CACNG1: variants seen among roughly 807,000 people sequenced by gnomAD.
The protein encoded by CACNG1 is voltage-dependent calcium channel gamma-1 subunit.
Under a neutral mutation model 22.0 loss-of-function variants are expected in CACNG1, and 21 were observed. The ratio of observed to expected loss-of-function variants is 0.95; its 90% CI spans 0.68 to 1.37. The LOEUF is 1.37. CACNG1 is among the 40% of genes most tolerant of loss of function. The pLI, the probability that CACNG1 is intolerant of heterozygous loss-of-function variation, is 0.00. For synonymous variants in CACNG1, 127 were observed against 129.2 expected (o/e 0.98, Z 0.12); for missense variants, 291 against 308.6 (o/e 0.94, Z 0.43).
chr17:67,052,439 T>A (rs149246623), intron 1 of CACNG1, among the ~76,000 whole-genome samples: 129 of 152,182 alleles, frequency 8.5e-4, no homozygotes, highest in Non-Finnish European at 1.1e-3. Context: ...ATGATTTAGG[T>A]CCGGTTAAAG....
rs368979237 is a variant in CACNG1, at chr17:67,056,000, G to T, written c.443-45G>T. 6.5e-7 allele frequency: 1 copy of T among 1,528,554 alleles called. No individual in the cohort carries two copies. The highest frequency in any genetic ancestry group is 1.1e-5 in the South Asian group (1 of 88,058). The allele number at this position is 1,528,554 out of a possible 1,614,324, so 94.7% of individuals were successfully genotyped here. ...AGGCTGGGATGGGGCTGGTGGCTACGGCAGACGCCCCTCGGTCCCTGAGCA... is the reference window on the plus strand; with the variant it reads ...AGGCTGGGATGGGGCTGGTGGCTACTGCAGACGCCCCTCGGTCCCTGAGCA... On this transcript the variant is annotated intron_variant, in intron 3 of 3. Coordinates refer to ENST00000226021, the MANE Select transcript of CACNG1 (RefSeq NM_000727.4). The surrounding 1 kb of genome is among the most constrained non-coding windows in gnomAD (Gnocchi z 4.5).
chr17:67,044,906 C>T lies in CACNG1; in HGVS notation c.229+17C>T, dbSNP rs1419001264. ...TGCCCGGGGGTAACGTACCCACCCT[C>T]CGTCCCGATCCCCACCTCCTGCTCT... On this transcript the variant is annotated intron_variant, in intron 1 of 3. Transcript: ENST00000226021. This position sits in a 1 kb window ranked among gnomAD's most constrained non-coding sequence, Gnocchi z 6.9. 2.5e-6 allele frequency: 4 copies of T among 1,583,656 alleles called. No homozygotes were observed. The highest frequency in any genetic ancestry group is 3.5e-6 in the Non-Finnish European group (4 of 1,157,304).
chr17:67,051,346 G>T (rs780225405), intron 1 of CACNG1, among the ~76,000 whole-genome samples: 1 of 152,150 alleles, frequency 6.6e-6, no homozygotes, highest in Admixed American at 6.5e-5. Context: ...TGAGGCCTGG[G>T]TCTGACGTGC....
intron 1 of CACNG1, among the ~76,000 whole-genome samples, chr17:67,051,211 A>G (rs1447994494): frequency 6.6e-6 from 1 of 152,076 alleles, no homozygotes; most frequent in Non-Finnish European, 1.5e-5. Flanking sequence ...TTCCCAAATA[A>G]TATCCACCTA....
intron 1 of CACNG1, among the ~76,000 whole-genome samples, chr17:67,049,551 T>C (rs896179856): frequency 1.3e-5 from 2 of 152,032 alleles, no homozygotes; most frequent in Non-Finnish European, 2.9e-5. Flanking sequence ...ATTCTACAGG[T>C]GGTTCCTATT....
In CACNG1 at chr17:67,044,935, C is replaced by G; in HGVS notation, c.229+46C>G. On this transcript the variant is annotated intron_variant, in intron 1 of 3. Coordinates refer to ENST00000226021, the MANE Select transcript of CACNG1 (RefSeq NM_000727.4). The surrounding 1 kb of genome is among the most constrained non-coding windows in gnomAD (Gnocchi z 6.9). ...CCCGATCCCCACCTCCTGCTCTTCC[C>G]CGTCATCCCCCTGGCAAAGTTGCCC... is the stretch of plus-strand genomic sequence containing the variant. The G allele has an allele frequency of 1.3e-6, 2 of 1,487,530 alleles. No homozygotes were observed. The highest frequency in any genetic ancestry group is 1.7e-4 in the Middle Eastern group (1 of 5,834). 92.1% of individuals were successfully genotyped at this position (1,487,530 alleles called of 1,614,324 possible). A position where few individuals can be genotyped will look rare whatever the true frequency, so the allele number is the denominator to read the frequency against.
chr17:67,045,100 T>G (rs551754362), intron 1 of CACNG1, among the ~76,000 whole-genome samples: 1 of 152,328 alleles, frequency 6.6e-6, no homozygotes, highest in South Asian at 2.1e-4. Flanking sequence ...GTCCCAGCTA[T>G]TTCTGTCTGG....
chr17:67,046,897 T>A (rs2035700670), intron 1 of CACNG1, among the ~76,000 whole-genome samples: 1 of 152,198 alleles, frequency 6.6e-6, no homozygotes, highest in African/African-American at 2.4e-5. Flanking sequence ...ATCTACCTCT[T>A]TGCCTTCTTA....
At position 67,056,635 on chromosome 17, in the gene CACNG1, A is replaced by G. The variant is rs2035764066; in HGVS notation, c.*364A>G. 1 of 239,952 alleles carries G rather than the reference A, an allele frequency of 4.2e-6. No homozygotes were observed. Among genetic ancestry groups the G allele is most frequent in the African/African-American group, 2.2e-5 (1 of 44,958 alleles). 14.9% of individuals were successfully genotyped at this position (239,952 alleles called of 1,614,324 possible). A position where few individuals can be genotyped will look rare whatever the true frequency, so the allele number is the denominator to read the frequency against. On this transcript the variant is annotated 3_prime_UTR_variant, in exon 4 of 4. Coordinates refer to ENST00000226021, the MANE Select transcript of CACNG1 (RefSeq NM_000727.4). The surrounding 1 kb of genome is among the most constrained non-coding windows in gnomAD (Gnocchi z 4.3). ...ATTGCAGGGACAACCTGTGTTTGCC[A>G]GCTGGGTGTTCCGTGTAAATAGCCA... is the stretch of plus-strand genomic sequence containing the variant.
Position 67,048,322 on chromosome 17 carries a change from A to C in CACNG1, c.229+3433A>C, listed in dbSNP as rs1456916321. 2.7e-4 allele frequency among the ~76,000 whole-genome samples: 23 copies of C among 86,558 alleles called. No homozygotes were observed. The East Asian group carries it at 0.015, about 56-fold the overall frequency. The allele number at this position is 86,558 out of a possible 152,430, so 56.8% of individuals were successfully genotyped here. ...CCTGTCCCTACCAAAAAAAAAAAAA[A>C]AAACAAAAAAAAAACCCCACAAAAT... On this transcript the variant is annotated intron_variant, in intron 1 of 3. Coordinates refer to ENST00000226021, the MANE Select transcript of CACNG1 (RefSeq NM_000727.4).
Position 67,056,155 on chromosome 17 carries a change from G to T in CACNG1, c.553G>T (p.Ala185Ser). 1 of 1,613,888 alleles carries T rather than the reference G, an allele frequency of 6.2e-7. No homozygotes were observed. The highest frequency in any genetic ancestry group is 1.1e-5 in the South Asian group (1 of 91,060). ...CTATTACTCCTGGTCCTTTGCCTGC[G>T]CCTGTGCCGCCTTCATCCTCCTCTT... ...EYYYSWSFAC[A>S]CAAFILLFLG... Residue 185 changes from alanine (A) to serine (S), a missense_variant, in exon 4 of 4, where the codon GCC becomes TCC. Transcript: ENST00000226021. The surrounding 1 kb of genome is among the most constrained non-coding windows in gnomAD (Gnocchi z 4.3).
At position 67,056,413 on chromosome 17, in the gene CACNG1, C is replaced by T. The variant is rs2035762650; in HGVS notation, c.*142C>T. 2.9e-6 allele frequency: 2 copies of T among 690,204 alleles called. No individual in the cohort carries two copies. The highest frequency in any genetic ancestry group is 2.8e-5 in the Admixed American group (1 of 36,190). The allele number at this position is 690,204 out of a possible 1,614,324, so 42.8% of individuals were successfully genotyped here. A position where few individuals can be genotyped will look rare whatever the true frequency, so the allele number is the denominator to read the frequency against. On this transcript the variant is annotated 3_prime_UTR_variant, in exon 4 of 4. Transcript: ENST00000226021. The surrounding 1 kb of genome is among the most constrained non-coding windows in gnomAD (Gnocchi z 4.3). ...CCCTGCAACAGTCGCAGGCTGCTTC[C>T]TCTCTCTGAGTTCCTCTGGGCTGCC...
At chr17:67,048,942 A>G (rs547056402) in intron 1 of CACNG1, among the ~76,000 whole-genome samples, 1 of 152,324 alleles carries the variant, frequency 6.6e-6, no homozygotes, top group South Asian at 2.1e-4. Context: ...GACACCATCA[A>G]GTTTATGTAA....
At chr17:67,052,185 A>G (rs2035731759) in intron 1 of CACNG1, among the ~76,000 whole-genome samples, 1 of 152,230 alleles carries the variant, frequency 6.6e-6, no homozygotes, top group Non-Finnish European at 1.5e-5. Flanking sequence ...AGAGAATAGC[A>G]GAGCACCAAT....
Position 67,056,328 on chromosome 17 carries a change from C to A in CACNG1, c.*57C>A. The A allele has an allele frequency of 6.5e-7, 1 of 1,527,902 alleles. No homozygotes were observed. The highest frequency in any genetic ancestry group is 9.0e-7 in the Non-Finnish European group (1 of 1,107,586). The allele number at this position is 1,527,902 out of a possible 1,614,324, so 94.6% of individuals were successfully genotyped here. A position where few individuals can be genotyped will look rare whatever the true frequency, so the allele number is the denominator to read the frequency against. ...CTTCCCCAGGAAGCGGGGTCTTGGCCTGGAACCTTCCAGAGAGGAGGCGGG... is the reference window on the plus strand; with the variant it reads ...CTTCCCCAGGAAGCGGGGTCTTGGCATGGAACCTTCCAGAGAGGAGGCGGG... On this transcript the variant is annotated 3_prime_UTR_variant, in exon 4 of 4. Transcript: ENST00000226021. The surrounding 1 kb of genome is among the most constrained non-coding windows in gnomAD (Gnocchi z 4.3).
At position 67,054,409 on chromosome 17, in the gene CACNG1, T is replaced by C. The variant is rs1348007318; in HGVS notation, c.304+339T>C. Among the ~76,000 whole-genome samples the C allele has an allele frequency of 6.6e-6, 1 of 152,070 alleles. No homozygotes were observed. The highest frequency in any genetic ancestry group is 2.4e-5 in the African/African-American group (1 of 41,414). On this transcript the variant is annotated intron_variant, in intron 2 of 3. Transcript: ENST00000226021. The surrounding 1 kb of genome is among the most constrained non-coding windows in gnomAD (Gnocchi z 4.6). ...CCCCGTGGTGGCTCTTGGTGGCATG[T>C]GATAGTTAGAGTCTGCAGGGACAGT... is the stretch of plus-strand genomic sequence containing the variant.
rs1041047403 is a variant in CACNG1, at chr17:67,055,884, G to A, written c.443-161G>A. On this transcript the variant is annotated intron_variant, in intron 3 of 3. Transcript: ENST00000226021. The surrounding 1 kb of genome is among the most constrained non-coding windows in gnomAD (Gnocchi z 4.5). ...GGATGCAGGAATAGGGTGGTGGGTGGACAAATGGATCCTTCTGCAGGTTCC... is the reference window on the plus strand; with the variant it reads ...GGATGCAGGAATAGGGTGGTGGGTGAACAAATGGATCCTTCTGCAGGTTCC... 2.0e-5 allele frequency among the ~76,000 whole-genome samples: 3 copies of A among 152,098 alleles called. No homozygotes were observed. Among genetic ancestry groups the A allele is most frequent in the Admixed American group, 6.5e-5 (1 of 15,268 alleles).
chr17:67,050,288 G>A (rs888458036), intron 1 of CACNG1, among the ~76,000 whole-genome samples: 3 of 152,244 alleles, frequency 2.0e-5, no homozygotes, highest in Non-Finnish European at 4.4e-5. Flanking sequence ...CATGCCAGAG[G>A]CCTAGGCCAA....
In CACNG1 at chr17:67,054,813, A is replaced by C. The variant is rs1274390241; in HGVS notation, c.305-290A>C. ...AGACACACACTGACACACACGTACA[A>C]TGACACAGACACAGAGACACACACT... On this transcript the variant is annotated intron_variant, in intron 2 of 3. Transcript: ENST00000226021. The surrounding 1 kb of genome is among the most constrained non-coding windows in gnomAD (Gnocchi z 4.6). Among the ~76,000 whole-genome samples the C allele has an allele frequency of 6.6e-6, 1 of 151,502 alleles. No homozygotes were observed. The highest frequency in any genetic ancestry group is 2.1e-4 in the South Asian group (1 of 4,786).
Sources: allele counts gnomAD v4.1 joint callset (sites outside exome capture counted in the v4.1 genomes callset), GRCh38; gene constraint gnomAD v4.1.1; non-coding constraint Gnocchi (gnomAD v3.1); transcripts MANE v1.5; gene names NCBI Gene and HGNC (gene_info 2026-07-23, HGNC 2026-07-21).